The following CLHC1 variants were observed in gnomAD, a reference collection of about 807,000 sequenced individuals.
CLHC1 encodes clathrin heavy chain linker domain-containing protein 1.
Under a neutral mutation model 69.5 loss-of-function variants are expected in CLHC1, and 72 were observed. The ratio of observed to expected loss-of-function variants is 1.04; its 90% CI spans 0.86 to 1.26. The LOEUF (loss-of-function observed/expected upper bound fraction) is 1.26. Ranked by LOEUF, CLHC1 falls within the 50% of genes most tolerant of loss-of-function variation. The pLI is 0.00. For synonymous variants in CLHC1, 223 were observed against 224.3 expected (o/e 0.99, Z 0.05); for missense variants, 790 against 679.3 (o/e 1.16, Z -1.81).
At chr2:55,179,618 G>A (rs1459207603) in intron 11 of CLHC1, among the ~76,000 whole-genome samples, 3 of 152,052 alleles carry the variant, frequency 2.0e-5, no homozygotes, top group Non-Finnish European at 4.4e-5. Context: ...TACATAGCCT[G>A]CAAATCAGGA....
intron 9 of CLHC1, among the ~76,000 whole-genome samples, chr2:55,182,473 TC>T (rs1174753474): frequency 6.6e-6 from 1 of 152,210 alleles, no homozygotes; most frequent in Non-Finnish European, 1.5e-5. Context: ...AGGAAGACTG[TC>T]AATTTGAACT....
chr2:55,207,119 A>C (rs1672530021), intron 8 of CLHC1, among the ~76,000 whole-genome samples: 1 of 152,058 alleles, frequency 6.6e-6, no homozygotes, highest in South Asian at 2.1e-4. Flanking sequence ...CGTCTGAAAA[A>C]AAAAAAAATG....
At chr2:55,180,742 T>A (rs1256106850) in intron 10 of CLHC1, 30 bp from the exon 11 acceptor site, 2 of 1,589,620 alleles carry the variant, frequency 1.3e-6, no homozygotes, top group Non-Finnish European at 1.7e-6. Flanking sequence ...AAGACATATG[T>A]TAGAAAATTC....
Position 55,175,913 on chromosome 2 carries a change from A to C in CLHC1, c.1638T>G (p.Cys546Trp), listed in dbSNP as rs772844778. Residue 546 changes from cysteine to tryptophan, a missense_variant, in exon 13 of 13, where the codon TGT (cysteine) becomes TGG (tryptophan). Transcript: ENST00000401408. ...ATAATTTGTCAAAGCCATTCTGTGAACATATATTTGCCACTTCTTGCCACT... is the reference window on the plus strand; with the variant it reads ...ATAATTTGTCAAAGCCATTCTGTGACCATATATTTGCCACTTCTTGCCACT... The part of the protein sequence containing the change: ...IEKWQEVANI[C>W]SQNGFDKLSN... 1.3e-5 allele frequency: 21 copies of C among 1,614,070 alleles called. No individual in the cohort carries two copies. The highest frequency in any genetic ancestry group is 2.7e-5 in the African/African-American group (2 of 75,068).
At chr2:55,224,751 G>T in intron 2 of CLHC1, 1 of 327,534 alleles carries the variant, frequency 3.1e-6, no homozygotes, top group South Asian at 3.2e-5. Flanking sequence ...TTGTGTCCAT[G>T]AGAACATCAG....
At chr2:55,183,375 G>T (rs546800532) in intron 9 of CLHC1, among the ~76,000 whole-genome samples, 1 of 152,172 alleles carries the variant, frequency 6.6e-6, no homozygotes. Context: ...CCCTTTTAAA[G>T]GGCAATGGCG....
intron 2 of CLHC1, 46 bp from the exon 3 acceptor site, chr2:55,222,539 TAAGTC>T: frequency 1.5e-6 from 1 of 647,342 alleles, no homozygotes; most frequent in Non-Finnish European, 2.5e-6. Context: ...TTTTTTAACT[TAAGTC>T]AAATATTGAT....
intron 4 of CLHC1, chr2:55,214,911 G>C (rs1030204166): frequency 1.3e-5 from 2 of 152,176 alleles, no homozygotes; most frequent in Non-Finnish European, 2.9e-5. Flanking sequence ...ACATGGACGA[G>C]AAAGTATCTA....
intron 1 of CLHC1, among the ~76,000 whole-genome samples, chr2:55,228,648 C>T (rs1193494610): frequency 5.3e-5 from 8 of 152,066 alleles, no homozygotes; most frequent in Admixed American, 1.3e-4. Context: ...CATCAGCCTA[C>T]GGAAGGGGGC....
Position 55,174,740 on chromosome 2 carries a change from C to T in CLHC1, c.*1050G>A, listed in dbSNP as rs1669235387. The T allele has an allele frequency of 6.6e-6, 1 of 152,104 alleles. No individual in the cohort carries two copies. Among genetic ancestry groups the T allele is most frequent in the African/African-American group, 2.4e-5 (1 of 41,418 alleles). 9.4% of individuals were successfully genotyped at this position (152,104 alleles called of 1,614,324 possible). A position where few individuals can be genotyped will look rare whatever the true frequency, so the allele number is the denominator to read the frequency against. ...AAAAGTTATGCTCTTTGCTCTTATT[C>T]TAATAGCAGATCATTTTCATTTTTT... On this transcript the variant is annotated 3_prime_UTR_variant, in exon 13 of 13. Coordinates refer to ENST00000401408, the MANE Select transcript of CLHC1 (RefSeq NM_152385.4).
intron 2 of CLHC1, among the ~76,000 whole-genome samples, chr2:55,222,721 G>A (rs960602756): frequency 6.6e-6 from 1 of 151,640 alleles, no homozygotes; most frequent in Non-Finnish European, 1.5e-5. Flanking sequence ...GGGAGTTCGA[G>A]ACCAGCCTGA....
At chr2:55,230,320 A>G (rs1016664131) in intron 1 of CLHC1, among the ~76,000 whole-genome samples, 3 of 152,224 alleles carry the variant, frequency 2.0e-5, no homozygotes, top group African/African-American at 7.2e-5. Context: ...GGATAATCAT[A>G]AAGTTTTTGG....
Position 55,222,284 on chromosome 2 carries a change from TC to T in CLHC1, c.127del (p.Glu43LysfsTer18). 2 of 1,613,698 alleles carry T rather than the reference TC, an allele frequency of 1.2e-6. No individual in the cohort carries two copies. The highest frequency in any genetic ancestry group is 1.7e-6 in the Non-Finnish European group (2 of 1,179,740). ...GATGTAATATTCATCAGCAGGTCCT[TC>T]CTCACTACAGCCCAGTCTTTCAGTT... is the stretch of plus-strand genomic sequence containing the variant. The part of the protein sequence containing the change: ...TETERLGCSE[E>X]GPADEYYIIY... On this transcript the variant is annotated frameshift_variant, in exon 3 of 13. Transcript: ENST00000401408. LOFTEE classifies it high-confidence loss of function.
chr2:55,228,584 A>G (rs974409575), intron 1 of CLHC1, among the ~76,000 whole-genome samples: 7 of 152,246 alleles, frequency 4.6e-5, no homozygotes, highest in Non-Finnish European at 5.9e-5. Context: ...AAAGCAGAAA[A>G]GGCAGTGTGA....
At chr2:55,184,859 C>T (rs1426975176) in intron 9 of CLHC1, among the ~76,000 whole-genome samples, 2 of 149,490 alleles carry the variant, frequency 1.3e-5, no homozygotes, top group African/African-American at 4.9e-5. Context: ...GAGCTGAGAT[C>T]GTGCCACTGC....
chr2:55,227,925 CCT>C (rs1674873724), intron 2 of CLHC1, 105 bp downstream of exon 2: 1 of 152,114 alleles, frequency 6.6e-6, no homozygotes, highest in African/African-American at 2.4e-5. Flanking sequence ...CCATGAACTT[CCT>C]CTCTTACCTT....
intron 9 of CLHC1, among the ~76,000 whole-genome samples, chr2:55,188,199 C>A (rs1009683762): frequency 3.9e-5 from 6 of 151,998 alleles, no homozygotes; most frequent in Non-Finnish European, 8.8e-5. Flanking sequence ...AGCTGTAGTC[C>A]CAATGACTAG....
chr2:55,178,845 C>T (rs1354966634), intron 11 of CLHC1, among the ~76,000 whole-genome samples: 1 of 151,892 alleles, frequency 6.6e-6, no homozygotes, highest in Non-Finnish European at 1.5e-5. Context: ...CACTATGTTG[C>T]TCCAGGCTAC....
At chr2:55,177,864 C>A in intron 11 of CLHC1, 83 bp from the exon 12 acceptor site, 1 of 968,426 alleles carries the variant, frequency 1.0e-6, no homozygotes. Context: ...ATGTCTATAC[C>A]TGCCAATCAA....
Sources: gnomAD v4.1 joint callset for allele counts (sites outside exome capture counted in the v4.1 genomes callset) on GRCh38, gnomAD v4.1.1 for gene constraint, MANE v1.5 for transcripts, NCBI Gene and HGNC (gene_info 2026-07-23, HGNC 2026-07-21) for gene names.